SPIDR: variants seen among roughly 807,000 people sequenced by gnomAD.
The protein encoded by SPIDR is DNA repair-scaffolding protein.
In SPIDR, 93 loss-of-function variants were observed where a neutral mutation model predicts 104.6. The ratio of observed to expected loss-of-function variants is 0.89; its 90% CI spans 0.75 to 1.06. SPIDR has a LOEUF of 1.06. Among genes scored for constraint, SPIDR ranks in the 50% least tolerant of loss-of-function variants. The pLI, the probability that SPIDR is intolerant of heterozygous loss-of-function variation, is 0.00. For synonymous variants in SPIDR, 431 were observed against 416.9 expected, an observed-to-expected ratio of 1.03 and a Z score of -0.41; for missense variants, 1,154 against 1,111.2, an observed-to-expected ratio of 1.04 and a Z score of -0.55.
intron 8 of SPIDR, among the ~76,000 whole-genome samples, chr8:47,484,537 C>T (rs1257886088): frequency 6.6e-6 from 1 of 152,186 alleles, no homozygotes; most frequent in Admixed American, 6.5e-5. Flanking sequence ...GTCCCTTATC[C>T]TCCTCATGCA....
rs2037772040 is a variant in SPIDR at position 47,281,509 on chromosome 8, A to G, written c.189+1492A>G. Among the ~76,000 whole-genome samples the G allele has an allele frequency of 4.6e-5, 7 of 152,352 alleles. No individual in the cohort carries two copies. In the South Asian group the frequency reaches 1.2e-3, roughly 27 times the overall value. On this transcript the variant is annotated intron_variant, in intron 2 of 19. Coordinates refer to ENST00000297423, the MANE Select transcript of SPIDR (RefSeq NM_001080394.4). ...ATTCTAAATTACTTGTTATCACTTC[A>G]ACAATGTTCACAGCATTTTCACCAG...
intron 5 of SPIDR, among the ~76,000 whole-genome samples, chr8:47,330,122 A>C (rs1244891118): frequency 6.6e-6 from 1 of 152,100 alleles, no homozygotes; most frequent in African/African-American, 2.4e-5. Context: ...GTCTGCAAGC[A>C]ATAATCAGTT....
intron 8 of SPIDR, among the ~76,000 whole-genome samples, chr8:47,485,264 A>G (rs1046702161): frequency 6.6e-6 from 1 of 152,118 alleles, no homozygotes; most frequent in Admixed American, 6.5e-5. Context: ...TACAGCTAGT[A>G]CAGTCTGAGA....
intron 8 of SPIDR, among the ~76,000 whole-genome samples, chr8:47,490,813 A>C (rs570591836): frequency 6.6e-6 from 1 of 152,320 alleles, no homozygotes; most frequent in African/African-American, 2.4e-5. Context: ...ACTTGGACAC[A>C]GGAAGGGGAA....
intron 2 of SPIDR, among the ~76,000 whole-genome samples, chr8:47,282,030 G>T (rs2037895443): frequency 6.6e-6 from 1 of 152,180 alleles, no homozygotes; most frequent in Non-Finnish European, 1.5e-5. Context: ...TAGCTCTTGG[G>T]TGACCAGGTG....
At chr8:47,486,560 A>C (rs2077660755) in intron 8 of SPIDR, among the ~76,000 whole-genome samples, 1 of 152,206 alleles carries the variant, frequency 6.6e-6, no homozygotes, top group Non-Finnish European at 1.5e-5. Context: ...ACATTCACCA[A>C]GGTTGAAATG....
intron 8 of SPIDR, among the ~76,000 whole-genome samples, chr8:47,556,469 T>C (rs1246483843): frequency 1.3e-5 from 2 of 152,246 alleles, no homozygotes; most frequent in Non-Finnish European, 2.9e-5. Flanking sequence ...TGAAATCCTT[T>C]GGTTAGCCAG....
chr8:47,321,639 C>G (rs2046615861), intron 5 of SPIDR, among the ~76,000 whole-genome samples: 1 of 152,116 alleles, frequency 6.6e-6, no homozygotes, highest in Non-Finnish European at 1.5e-5. Flanking sequence ...ATTGCCAAGT[C>G]AATCCTAAGG....
chr8:47,511,424 C>A, intron 8 of SPIDR: 1 of 807,548 alleles, frequency 1.2e-6, no homozygotes, highest in South Asian at 1.4e-5. Flanking sequence ...ATAAAGTCCT[C>A]GTCCTGATGT....
chr8:47,416,206 G>A (rs1554675247), intron 7 of SPIDR, among the ~76,000 whole-genome samples: 1 of 152,206 alleles, frequency 6.6e-6, no homozygotes, highest in Non-Finnish European at 1.5e-5. Context: ...TGGCGCCACT[G>A]CACTCCAGCC....
chr8:47,549,390 T>G (rs1298597647), intron 8 of SPIDR, among the ~76,000 whole-genome samples: 1 of 152,226 alleles, frequency 6.6e-6, no homozygotes, highest in Non-Finnish European at 1.5e-5. Context: ...CCACCAACAG[T>G]GTAAAAGTGT....
intron 7 of SPIDR, among the ~76,000 whole-genome samples, chr8:47,409,987 C>T (rs1563888490): frequency 1.3e-5 from 2 of 152,118 alleles, no homozygotes; most frequent in Non-Finnish European, 2.9e-5. Flanking sequence ...ATGATCGCAC[C>T]TCTGCACACC....
intron 18 of SPIDR, 143 bp downstream of exon 18, chr8:47,729,190 C>T (rs1330695648): frequency 1.3e-6 from 2 of 1,518,352 alleles, no homozygotes; most frequent in African/African-American, 1.4e-5. Flanking sequence ...TCTGGAACTC[C>T]CTCTAGGTCC....
At chr8:47,702,086 C>T (rs1284230563) in intron 14 of SPIDR, 71 bp downstream of exon 14, 20 of 154,892 alleles carry the variant, frequency 1.3e-4, no homozygotes, top group African/African-American at 7.3e-4. Flanking sequence ...CTCTCTCTCT[C>T]TCTCTCTCTC....
intron 8 of SPIDR, chr8:47,547,146 G>T (rs908194076): frequency 1.7e-4 from 100 of 601,114 alleles, no homozygotes; most frequent in Non-Finnish European, 2.9e-4. Context: ...GGGGATCAGG[G>T]TAGCAGATGA....
chr8:47,310,333 C>CAAAAAAAAAAAAAAAAAAAA, intron 5 of SPIDR, among the ~76,000 whole-genome samples: 1 of 54,876 alleles, frequency 1.8e-5, no homozygotes, highest in Non-Finnish European at 4.0e-5. Flanking sequence ...GACTCCATCT[C>CAAAAAAAAAAAAAAAAAAAA]AAAAAAAAAA....
intron 10 of SPIDR, among the ~76,000 whole-genome samples, chr8:47,646,041 G>T (rs1046115805): frequency 6.6e-6 from 1 of 151,996 alleles, no homozygotes; most frequent in South Asian, 2.1e-4. Context: ...GAATATATAT[G>T]TATGATTTGT....
intron 8 of SPIDR, among the ~76,000 whole-genome samples, chr8:47,576,099 G>C (rs890441525): frequency 6.6e-6 from 1 of 151,076 alleles, no homozygotes; most frequent in African/African-American, 2.4e-5. Context: ...TATCTTTGAA[G>C]AATAATAAAC....
chr8:47,533,252 A>G (rs1466114081), intron 8 of SPIDR, among the ~76,000 whole-genome samples: 1 of 152,176 alleles, frequency 6.6e-6, no homozygotes, highest in Admixed American at 6.5e-5. Flanking sequence ...TAATTAATAA[A>G]TAAGATAATA....
Sources: gnomAD v4.1 joint callset for allele counts (sites outside exome capture counted in the v4.1 genomes callset) on GRCh38, gnomAD v4.1.1 for gene constraint, MANE v1.5 for transcripts, NCBI Gene and HGNC (gene_info 2026-07-23, HGNC 2026-07-21) for gene names.